SLC30A9: variants seen among roughly 807,000 people sequenced by gnomAD.
SLC30A9 encodes solute carrier family 30 member 9, also known as proton-coupled zinc antiporter SLC30A9, mitochondrial.
Under a neutral mutation model 87.5 loss-of-function variants are expected in SLC30A9, and 58 were observed. The ratio of observed to expected loss-of-function variants is 0.66; its 90% CI spans 0.54 to 0.82. SLC30A9 has a LOEUF of 0.82. SLC30A9 is among the 40% of genes least tolerant of loss of function. The probability of loss-of-function intolerance (pLI) is 0.00; values close to 1 mark genes in which losing one functional copy is unlikely to be tolerated. For missense variants in SLC30A9, 557 were observed against 679.1 expected (o/e 0.82, Z 2.00); for synonymous variants, 234 against 233.0 (o/e 1.00, Z -0.04).
At position 42,086,918 on chromosome 4, in the gene SLC30A9, A is replaced by G. The variant is rs1718941974; in HGVS notation, c.*792A>G. ...TTTTTTAAATGAGGTTCAGTACCAT[A>G]ATGTTTATTTACTGGAAGATAATGC... On this transcript the variant is annotated 3_prime_UTR_variant, in exon 18 of 18. Coordinates refer to ENST00000264451, the MANE Select transcript of SLC30A9 (RefSeq NM_006345.4). 1 of 152,164 alleles carries G rather than the reference A, an allele frequency of 6.6e-6. No homozygotes were observed. Among genetic ancestry groups the G allele is most frequent in the Non-Finnish European group, 1.5e-5 (1 of 68,026 alleles). 9.4% of individuals were successfully genotyped at this position (152,164 alleles called of 1,614,324 possible).
At chr4:42,077,870 G>C (rs7693784) in intron 16 of SLC30A9, among the ~76,000 whole-genome samples, 3,001 of 151,188 alleles carry the variant, frequency 0.02, 56 homozygotes, top group Middle Eastern at 0.061. Context: ...TAGTTTTGTG[G>C]TTTGTTTTTT....
chr4:42,064,771 T>C (rs575238356), intron 11 of SLC30A9, among the ~76,000 whole-genome samples: 22 of 152,282 alleles, frequency 1.4e-4, no homozygotes, highest in Non-Finnish European at 2.8e-4. Flanking sequence ...TTTAAAATAG[T>C]GTTGGACTAG....
chr4:42,061,154 A>G (rs965555380), intron 10 of SLC30A9, among the ~76,000 whole-genome samples: 2 of 152,184 alleles, frequency 1.3e-5, no homozygotes, highest in Admixed American at 6.5e-5. Flanking sequence ...AGGTATTTTT[A>G]TAGTCTACTT....
intron 1 of SLC30A9, among the ~76,000 whole-genome samples, chr4:41,991,243 C>T (rs969494113): frequency 6.6e-6 from 1 of 152,264 alleles, no homozygotes; most frequent in Non-Finnish European, 1.5e-5. Context: ...GTGCTACTCA[C>T]TACGGATCTT....
At chr4:42,007,719 T>C (rs1715273795) in intron 2 of SLC30A9, among the ~76,000 whole-genome samples, 1 of 152,158 alleles carries the variant, frequency 6.6e-6, no homozygotes, top group Non-Finnish European at 1.5e-5. Context: ...ATCGCGCCAC[T>C]GCACTCCAGC....
chr4:42,072,760 G>T (rs1718361787), intron 15 of SLC30A9, among the ~76,000 whole-genome samples: 1 of 149,552 alleles, frequency 6.7e-6, no homozygotes, highest in Non-Finnish European at 1.5e-5. Context: ...GGTTTAATTG[G>T]TTTATAGTGA....
Position 42,001,730 on chromosome 4 carries a change from G to T in SLC30A9, c.224G>T (p.Gly75Val). The change falls in exon 2 of 18, where the codon GGA becomes GTA. Residue 75 changes from glycine to valine, a missense_variant. By Grantham distance (109) the Gly-to-Val change is moderately radical (BLOSUM62 -3). Transcript: ENST00000264451. Reference sequence around the variant, plus strand: ...TACTCCACAAATGTTCAGAAAGAAGGACAGGGATCACAAACACTCAGAGTG... The same window carrying T: ...TACTCCACAAATGTTCAGAAAGAAGTACAGGGATCACAAACACTCAGAGTG... ...KLYSTNVQKE[G>V]QGSQTLRVEK... The T allele has an allele frequency of 1.9e-6, 3 of 1,611,534 alleles. No individual in the cohort carries two copies. Among genetic ancestry groups the T allele is most frequent in the Non-Finnish European group, 2.5e-6 (3 of 1,178,476 alleles).
chr4:42,062,965 A>G (rs767123834), intron 10 of SLC30A9, 21 bp from the exon 11 acceptor site: 7 of 1,595,364 alleles, frequency 4.4e-6, no homozygotes, highest in African/African-American at 4.0e-5. Context: ...CTTGCGAACT[A>G]TATTCTTTTC....
At chr4:42,068,083 T>C (rs891064221) in intron 14 of SLC30A9, among the ~76,000 whole-genome samples, 4 of 152,214 alleles carry the variant, frequency 2.6e-5, no homozygotes, top group Non-Finnish European at 5.9e-5. Context: ...ACTCACTGAT[T>C]CACCAAAAAT....
At chr4:42,085,718 A>G (rs1055081554) in intron 17 of SLC30A9, among the ~76,000 whole-genome samples, 2 of 152,102 alleles carry the variant, frequency 1.3e-5, no homozygotes, top group African/African-American at 4.8e-5. Flanking sequence ...AAAGTATATA[A>G]AATGAGTGGT....
At chr4:42,004,498 C>T (rs1490181161) in intron 2 of SLC30A9, among the ~76,000 whole-genome samples, 1 of 152,030 alleles carries the variant, frequency 6.6e-6, no homozygotes, top group Non-Finnish European at 1.5e-5. Flanking sequence ...TTAAACCTCT[C>T]TATCGTATTT....
At chr4:42,023,556 T>G (rs899748834) in intron 6 of SLC30A9, among the ~76,000 whole-genome samples, 172 bp downstream of exon 6, 1 of 152,240 alleles carries the variant, frequency 6.6e-6, no homozygotes, top group Admixed American at 6.5e-5. Context: ...AGGAACTGTA[T>G]TTTTGTTTTC....
intron 12 of SLC30A9, 136 bp downstream of exon 12, chr4:42,065,485 T>C (rs1218180186): frequency 3.2e-6 from 2 of 624,620 alleles, no homozygotes; most frequent in African/African-American, 1.9e-5. Context: ...TTCTCTACTT[T>C]TAGGGAGTAA....
In SLC30A9 at chr4:42,003,147, TTTTG is replaced by T. The variant is rs944120763; in HGVS notation, c.274+1371_274+1374del. ...TTGTAAATTTACAGATAGATGGAAT[TTTTG>T]TTTATCTTTTTGTATTTAATGTATT... On this transcript the variant is annotated intron_variant, in intron 2 of 17. Transcript: ENST00000264451. 5.5e-4 allele frequency among the ~76,000 whole-genome samples: 83 copies of T among 152,278 alleles called. 1 individual carries two copies. The highest frequency in any genetic ancestry group is 1.7e-3 in the African/African-American group (69 of 41,574).
intron 2 of SLC30A9, among the ~76,000 whole-genome samples, chr4:42,007,811 T>C (rs1477781302): frequency 2.5e-5 from 2 of 78,944 alleles, no homozygotes; most frequent in East Asian, 2.7e-3. Flanking sequence ...CTTCAAGATA[T>C]CATTATCTCT....
At position 42,067,109 on chromosome 4, in the gene SLC30A9, C is replaced by G. The variant is rs1384525190; in HGVS notation, c.1169C>G (p.Thr390Arg). Residue 390 changes from threonine to arginine, a missense_variant, in exon 14 of 18, where the codon ACA becomes AGA. Around this residue, in one of 2 missense-constraint regions of SLC30A9, gnomAD observed 467 missense variants for 529.8 expected, o/e 0.88. Transcript: ENST00000264451. ...GTAATGGAAAGTCGTGATCCTAGTACAAATGTGATATTATTGGAGGATACT... is the reference window on the plus strand; with the variant it reads ...GTAATGGAAAGTCGTGATCCTAGTAGAAATGTGATATTATTGGAGGATACT... ...KYVMESRDPS[T>R]NVILLEDTAA... 1 of 1,612,032 alleles carries G rather than the reference C, an allele frequency of 6.2e-7. No homozygotes were observed. The highest frequency in any genetic ancestry group is 8.5e-7 in the Non-Finnish European group (1 of 1,178,398).
intron 1 of SLC30A9, among the ~76,000 whole-genome samples, chr4:41,993,461 A>T (rs1020522985): frequency 9.9e-5 from 15 of 152,218 alleles, no homozygotes; most frequent in African/African-American, 3.6e-4. Context: ...GAAAATGGAC[A>T]AAGGAATTGA....
Position 42,090,021 on chromosome 4 carries a change from C to T in SLC30A9, c.*3895C>T, listed in dbSNP as rs1467778586. ...TAAAGAGTGCCTAAGTTTTAAGTCT[C>T]GTAACTTTTTGAGGAAGAATGCTGG... On this transcript the variant is annotated 3_prime_UTR_variant, in exon 18 of 18. Coordinates refer to ENST00000264451, the MANE Select transcript of SLC30A9 (RefSeq NM_006345.4). 1 of 152,132 alleles carries T rather than the reference C, an allele frequency of 6.6e-6. No homozygotes were observed. The highest frequency in any genetic ancestry group is 2.4e-5 in the African/African-American group (1 of 41,424). The allele number at this position is 152,132 out of a possible 1,614,324, so 9.4% of individuals were successfully genotyped here.
chr4:42,023,271 T>C, intron 5 of SLC30A9, 31 bp from the exon 6 acceptor site: 2 of 1,423,152 alleles, frequency 1.4e-6, no homozygotes, highest in Non-Finnish European at 2.0e-6. Flanking sequence ...ATTAAAATTG[T>C]TCATTGTGGT....
Sources: allele counts gnomAD v4.1 joint callset (sites outside exome capture counted in the v4.1 genomes callset), GRCh38; gene constraint gnomAD v4.1.1; regional missense constraint gnomAD v4.1.1; transcripts MANE v1.5; gene names NCBI Gene and HGNC (gene_info 2026-07-23, HGNC 2026-07-21).